NRXN1: variants seen among roughly 807,000 people sequenced by gnomAD.
NRXN1 encodes the protein neurexin 1.
In NRXN1, 39 loss-of-function variants were observed where a neutral mutation model predicts 150.9. The observed-to-expected ratio is 0.26, with a 90% confidence interval of 0.20 to 0.34. The LOEUF (loss-of-function observed/expected upper bound fraction) is 0.34. NRXN1 is among the 10% of genes least tolerant of loss of function. The pLI is 1.00. For missense variants in NRXN1, 1,815 were observed against 1,949.9 expected (o/e 0.93, Z 1.30); for synonymous variants, 924 against 757.0 (o/e 1.22, Z -3.62).
At chr2:50,599,838 A>G (rs1675948204) in intron 8 of NRXN1, among the ~76,000 whole-genome samples, 1 of 152,224 alleles carries the variant, frequency 6.6e-6, no homozygotes, top group Non-Finnish European at 1.5e-5. Context: ...GCATTTTTAC[A>G]AGGTACAAAG....
At chr2:50,219,264 T>C (rs916851528) in intron 18 of NRXN1, among the ~76,000 whole-genome samples, 1 of 151,996 alleles carries the variant, frequency 6.6e-6, no homozygotes, top group Non-Finnish European at 1.5e-5. Context: ...CTATGTGTTA[T>C]CCACACAAAT....
chr2:51,013,279 G>C (rs1482860914), intron 2 of NRXN1, among the ~76,000 whole-genome samples: 3 of 152,018 alleles, frequency 2.0e-5, no homozygotes, highest in Admixed American at 6.6e-5. Context: ...GCAAACATAA[G>C]CATGTGGGTG....
chr2:50,776,129 G>A (rs1168329960), intron 5 of NRXN1, among the ~76,000 whole-genome samples: 1 of 152,070 alleles, frequency 6.6e-6, no homozygotes, highest in Non-Finnish European at 1.5e-5. Flanking sequence ...ATTTCAGCTT[G>A]TGTTGGATCA....
intron 17 of NRXN1, among the ~76,000 whole-genome samples, chr2:50,419,048 G>A (rs4493303): frequency 0.19 from 28,837 of 151,756 alleles, 3,129 homozygotes; most frequent in East Asian, 0.38. Flanking sequence ...ATACACAATT[G>A]AGGAAGGGGC....
chr2:49,918,962 A>C lies in NRXN1; in HGVS notation c.*2982T>G, dbSNP rs998425340. ...CCTTGCAACAGAAAAACAAACAAAC[A>C]AAAAAAGAAGAAGAAAACCCCTTTG... On this transcript the variant is annotated 3_prime_UTR_variant, in exon 23 of 23. Transcript: ENST00000401669. 2 of 152,086 alleles carry C rather than the reference A, an allele frequency of 1.3e-5. No homozygotes were observed. The highest frequency in any genetic ancestry group is 2.4e-5 in the African/African-American group (1 of 41,434). The allele number at this position is 152,086 out of a possible 1,614,324, so 9.4% of individuals were successfully genotyped here. A position where few individuals can be genotyped will look rare whatever the true frequency, so the allele number is the denominator to read the frequency against.
rs549482038 is a variant in NRXN1 at position 50,147,296 on chromosome 2, G to A, written c.3547-55802C>T. The stretch of plus-strand genomic sequence containing the variant: ...AGGAAAAGCTAATTGCAAACACCTA[G>A]GAGAGAAGGCATATGCATTATCTTT... On this transcript the variant is annotated intron_variant, in intron 18 of 22. Coordinates refer to ENST00000401669, the MANE Select transcript of NRXN1 (RefSeq NM_001330078.2). Among the ~76,000 whole-genome samples the A allele has an allele frequency of 6.6e-5, 10 of 151,848 alleles. No homozygotes were observed. The East Asian group carries it at 1.7e-3, about 26-fold the overall frequency.
In NRXN1 at chr2:49,919,965, T is replaced by C. The variant is rs1335491284; in HGVS notation, c.*1979A>G. 2.0e-5 allele frequency: 3 copies of C among 152,176 alleles called. No individual in the cohort carries two copies. Among genetic ancestry groups the C allele is most frequent in the East Asian group, 1.9e-4 (1 of 5,196 alleles). The allele number at this position is 152,176 out of a possible 1,614,324, so 9.4% of individuals were successfully genotyped here. A position where few individuals can be genotyped will look rare whatever the true frequency, so the allele number is the denominator to read the frequency against. On this transcript the variant is annotated 3_prime_UTR_variant, in exon 23 of 23. Transcript: ENST00000401669. Reference sequence around the variant, plus strand: ...TGCTGATTAAAGCTAATTGGAAAGATATTCTTCTCTTCTACAAAATTTTTT... The same window carrying C: ...TGCTGATTAAAGCTAATTGGAAAGACATTCTTCTCTTCTACAAAATTTTTT...
At chr2:50,191,335 C>T (rs894164004) in intron 18 of NRXN1, among the ~76,000 whole-genome samples, 7 of 151,942 alleles carry the variant, frequency 4.6e-5, no homozygotes, top group African/African-American at 9.7e-5. Flanking sequence ...CCACCATGAC[C>T]GGCAATTTCT....
At chr2:50,535,852 G>A (rs2093244643) in intron 10 of NRXN1, among the ~76,000 whole-genome samples, 1 of 151,882 alleles carries the variant, frequency 6.6e-6, no homozygotes. Context: ...CTAAATCCAA[G>A]GAGCTGAACA....
chr2:50,550,168 GT>G (rs1342139034), intron 9 of NRXN1, among the ~76,000 whole-genome samples: 3 of 151,864 alleles, frequency 2.0e-5, no homozygotes, highest in Admixed American at 1.3e-4. Context: ...GATGTTTGGT[GT>G]TTTTTTTCTC....
chr2:50,420,457 C>A (rs140220887), intron 17 of NRXN1, among the ~76,000 whole-genome samples: 1 of 151,664 alleles, frequency 6.6e-6, no homozygotes, highest in Admixed American at 6.6e-5. Context: ...AAACAAAAAT[C>A]ATGAGTGACA....
intron 17 of NRXN1, among the ~76,000 whole-genome samples, chr2:50,459,374 G>C (rs917815668): frequency 6.6e-6 from 1 of 152,024 alleles, no homozygotes; most frequent in Admixed American, 6.6e-5. Flanking sequence ...GTAAACTTGT[G>C]TCACATGGGT....
At chr2:50,500,011 G>T (rs2091865463) in intron 13 of NRXN1, among the ~76,000 whole-genome samples, 1 of 149,440 alleles carries the variant, frequency 6.7e-6, no homozygotes, top group South Asian at 2.1e-4. Flanking sequence ...TTTATTCTAT[G>T]CCACATTAAA....
Position 50,320,072 on chromosome 2 carries a change from G to A in NRXN1, c.3365-83102C>T, listed in dbSNP as rs530713707. Among the ~76,000 whole-genome samples the A allele has an allele frequency of 1.2e-4, 18 of 151,662 alleles. No individual in the cohort carries two copies. In the South Asian group the frequency reaches 3.7e-3, roughly 32 times the overall value. Reference sequence around the variant, plus strand: ...CTATGCCCACCCTCACTCCTCATCAGTGAGCTTCTCCTGTAACCTGGACCA... The same window carrying A: ...CTATGCCCACCCTCACTCCTCATCAATGAGCTTCTCCTGTAACCTGGACCA... On this transcript the variant is annotated intron_variant, in intron 17 of 22. Transcript: ENST00000401669.
At chr2:50,607,044 T>C (rs995724088) in intron 8 of NRXN1, among the ~76,000 whole-genome samples, 1 of 152,160 alleles carries the variant, frequency 6.6e-6, no homozygotes, top group Non-Finnish European at 1.5e-5. Flanking sequence ...AAGCCTAATT[T>C]AGTTTGAATA....
rs1377065441 is a variant in NRXN1 at position 50,882,001 on chromosome 2, C to CA, written c.832+39867dup. Among the ~76,000 whole-genome samples the CA allele has an allele frequency of 3.3e-5, 5 of 151,698 alleles. No individual in the cohort carries two copies. The East Asian group carries it at 9.8e-4, about 30-fold the overall frequency. ...CTGTCCTATGTTCAGTGTCTGGAAG[C>CA]AAAACATATGCTCAAATTTTTGTTC... is the stretch of plus-strand genomic sequence containing the variant. On this transcript the variant is annotated intron_variant, in intron 5 of 22. Coordinates refer to ENST00000401669, the MANE Select transcript of NRXN1 (RefSeq NM_001330078.2).
chr2:50,859,573 A>G (rs1201713713), intron 5 of NRXN1, among the ~76,000 whole-genome samples: 1 of 151,906 alleles, frequency 6.6e-6, no homozygotes, highest in African/African-American at 2.4e-5. Context: ...TAATAAATCT[A>G]ACAGAAATGT....
At chr2:49,963,225 C>A (rs532759425) in intron 21 of NRXN1, among the ~76,000 whole-genome samples, 3 of 152,224 alleles carry the variant, frequency 2.0e-5, no homozygotes, top group African/African-American at 4.8e-5. Flanking sequence ...GGTGAATTTT[C>A]CTGACTTCCA....
chr2:50,696,891 T>A (rs987448299), intron 5 of NRXN1, among the ~76,000 whole-genome samples: 2 of 152,222 alleles, frequency 1.3e-5, no homozygotes, highest in African/African-American at 4.8e-5. Flanking sequence ...CTTACTGAGT[T>A]TATTCACAAT....
Sources: allele counts gnomAD v4.1 joint callset (sites outside exome capture counted in the v4.1 genomes callset), GRCh38; gene constraint gnomAD v4.1.1; transcripts MANE v1.5; gene names NCBI Gene and HGNC (gene_info 2026-07-23, HGNC 2026-07-21).